The following EDARADD variants were observed in gnomAD, a reference collection of about 807,000 sequenced individuals.
The protein encoded by EDARADD is EDAR associated via death domain.
EDARADD carries 20 observed loss-of-function variants against 25.6 expected under a neutral mutation model. That is an observed-to-expected ratio of 0.78 (90% CI 0.55 to 1.14). The LOEUF is 1.14. Ranked by LOEUF, EDARADD falls within the 50% of genes most tolerant of loss-of-function variation. EDARADD has a pLI of 0.00. For synonymous variants in EDARADD, 86 were observed against 94.4 expected (o/e 0.91, Z 0.52); for missense variants, 225 against 270.1 (o/e 0.83, Z 1.17).
At chr1:236,428,737 G>C (rs1194194059) in intron 4 of EDARADD, among the ~76,000 whole-genome samples, 1 of 148,106 alleles carries the variant, frequency 6.8e-6, no homozygotes, top group African/African-American at 2.5e-5. Context: ...ACGGGGTGGC[G>C]GCCGGGCAGA....
At chr1:236,474,813 T>C (rs1659458721) in intron 5 of EDARADD, among the ~76,000 whole-genome samples, 1 of 152,238 alleles carries the variant, frequency 6.6e-6, no homozygotes, top group Non-Finnish European at 1.5e-5. Context: ...GTGGTTGGCC[T>C]GTTATTTGAG....
intron 5 of EDARADD, among the ~76,000 whole-genome samples, chr1:236,472,419 G>C (rs183290262): frequency 6.6e-6 from 1 of 152,158 alleles, no homozygotes; most frequent in Non-Finnish European, 1.5e-5. Context: ...CGGGATCTCC[G>C]AGGGTGGGAC....
intron 5 of EDARADD, among the ~76,000 whole-genome samples, chr1:236,480,551 G>A (rs1021626322): frequency 7.2e-5 from 11 of 151,896 alleles, no homozygotes; most frequent in Non-Finnish European, 1.3e-4. Flanking sequence ...TTACTCCGTC[G>A]GTCCAAATTC....
At position 236,420,848 on chromosome 1, in the gene EDARADD, C is replaced by G. The variant is rs542969957; in HGVS notation, c.161-6544C>G. The stretch of plus-strand genomic sequence containing the variant: ...TCCTGAGTTCAAGCAATTCTCCTGC[C>G]TCAGCCTCCTGAGTAGCTGAGATTA... On this transcript the variant is annotated intron_variant, in intron 3 of 5. Coordinates refer to ENST00000334232, the MANE Select transcript of EDARADD (RefSeq NM_145861.4). 1.5e-5 allele frequency among the ~76,000 whole-genome samples: 2 copies of G among 136,954 alleles called. 1 individual carries two copies. The highest frequency in any genetic ancestry group is 5.0e-4 in the South Asian group (2 of 4,030). The allele number at this position is 136,954 out of a possible 152,430, so 89.8% of individuals were successfully genotyped here. A position where few individuals can be genotyped will look rare whatever the true frequency, so the allele number is the denominator to read the frequency against.
At chr1:236,444,046 A>G (rs1032645756) in intron 4 of EDARADD, among the ~76,000 whole-genome samples, 1 of 152,226 alleles carries the variant, frequency 6.6e-6, no homozygotes, top group African/African-American at 2.4e-5. Flanking sequence ...AAGACCCTCC[A>G]TCAGCAGAAA....
At chr1:236,399,478 C>T (rs1039104763) in intron 1 of EDARADD, among the ~76,000 whole-genome samples, 3 of 152,212 alleles carry the variant, frequency 2.0e-5, no homozygotes, top group Non-Finnish European at 2.9e-5. Flanking sequence ...TGAGCCACCA[C>T]GCCCTGGCCA....
At chr1:236,419,360 A>G (rs1217562593) in intron 3 of EDARADD, among the ~76,000 whole-genome samples, 4 of 152,198 alleles carry the variant, frequency 2.6e-5, no homozygotes, top group African/African-American at 9.6e-5. Context: ...TAATTGCACC[A>G]CTGCACTACA....
At position 236,395,434 on chromosome 1, in the gene EDARADD, T is replaced by G. The variant is rs1344704244; in HGVS notation, c.61+929T>G. On this transcript the variant is annotated intron_variant, in intron 1 of 5. Transcript: ENST00000334232. The surrounding 1 kb of genome is among the most constrained non-coding windows in gnomAD (Gnocchi z 6.9). ...CTTTGCTAATTGCCAAAGCAGGAAG[T>G]GAGCTCGTGGAAGAAGCGAAGGAGG... 1.4e-6 allele frequency: 2 copies of G among 1,462,402 alleles called. No homozygotes were observed. Among genetic ancestry groups the G allele is most frequent in the African/African-American group, 2.9e-5 (2 of 69,924 alleles). The allele number at this position is 1,462,402 out of a possible 1,614,324, so 90.6% of individuals were successfully genotyped here.
At chr1:236,472,589 C>T (rs960516783) in intron 5 of EDARADD, among the ~76,000 whole-genome samples, 4 of 152,140 alleles carry the variant, frequency 2.6e-5, no homozygotes, top group African/African-American at 7.2e-5. Flanking sequence ...AGTGCAGTGG[C>T]GCAATCTCAG....
Position 236,483,061 on chromosome 1 carries a change from C to A in EDARADD, c.*412C>A. 1.3e-6 allele frequency: 1 copy of A among 770,072 alleles called. No individual in the cohort carries two copies. Among genetic ancestry groups the A allele is most frequent in the Non-Finnish European group, 2.2e-6 (1 of 464,760 alleles). 47.7% of individuals were successfully genotyped at this position (770,072 alleles called of 1,614,324 possible). On this transcript the variant is annotated 3_prime_UTR_variant, in exon 6 of 6. Coordinates refer to ENST00000334232, the MANE Select transcript of EDARADD (RefSeq NM_145861.4). ...AACATCTCTCCTGATCAGTGCCATTCCCACGGTTTCAAAGAAAACAGCTAC... is the reference window on the plus strand; with the variant it reads ...AACATCTCTCCTGATCAGTGCCATTACCACGGTTTCAAAGAAAACAGCTAC...
intron 3 of EDARADD, among the ~76,000 whole-genome samples, chr1:236,419,558 G>T (rs922851402): frequency 6.6e-6 from 1 of 152,214 alleles, no homozygotes; most frequent in Non-Finnish European, 1.5e-5. Context: ...ACTTCAGTGT[G>T]CATCAGAATG....
chr1:236,401,619 G>A (rs1667613001), intron 1 of EDARADD, among the ~76,000 whole-genome samples: 1 of 152,152 alleles, frequency 6.6e-6, no homozygotes, highest in African/African-American at 2.4e-5. Flanking sequence ...AAGAGTAGAT[G>A]AGATTTAGGA....
chr1:236,428,229 C>T (rs1168807281), intron 4 of EDARADD, among the ~76,000 whole-genome samples: 1 of 152,070 alleles, frequency 6.6e-6, no homozygotes. Context: ...CTTGCACCGC[C>T]CTTAATCCAA....
At chr1:236,365,297 G>T (rs942412624) in intron 3 of EDARADD, among the ~76,000 whole-genome samples, 1 of 151,932 alleles carries the variant, frequency 6.6e-6, no homozygotes, top group African/African-American at 2.4e-5. Context: ...CCAAGTAGCT[G>T]GGACCACAGG....
In EDARADD at chr1:236,362,329, C is replaced by T. The variant is rs12075775; in HGVS notation, c.-6+11490C>T. ...TGTTGAGCGTCTATTTGTGTGCCTC[C>T]TTGCCACCCATATATCTTTCTGGTG... On this transcript the variant is annotated intron_variant, in intron 3 of 7. Transcript: ENST00000439430. Among the ~76,000 whole-genome samples the T allele has an allele frequency of 6.3e-3, 954 of 152,306 alleles. 11 individuals are homozygous for T. The highest frequency in any genetic ancestry group is 0.022 in the African/African-American group (896 of 41,570).
At chr1:236,381,283 A>G (rs1667292730) in intron 3 of EDARADD, among the ~76,000 whole-genome samples, 1 of 152,108 alleles carries the variant, frequency 6.6e-6, no homozygotes, top group Non-Finnish European at 1.5e-5. Flanking sequence ...GTAGTATTCC[A>G]TTCTAAAGAT....
At chr1:236,352,619 G>T (rs1013247624) in intron 3 of EDARADD, among the ~76,000 whole-genome samples, 1 of 152,072 alleles carries the variant, frequency 6.6e-6, no homozygotes, top group Non-Finnish European at 1.5e-5. Flanking sequence ...AGGCCAAGGC[G>T]GGTGGATCAC....
intron 4 of EDARADD, among the ~76,000 whole-genome samples, chr1:236,441,147 TCTTATA>T (rs1390400171): frequency 1.3e-5 from 2 of 151,680 alleles, no homozygotes; most frequent in African/African-American, 2.4e-5. Context: ...ATTATTCTTA[TCTTATA>T]CTTATCTTAT....
intron 3 of EDARADD, among the ~76,000 whole-genome samples, chr1:236,426,996 C>T (rs912924487): frequency 1.3e-5 from 2 of 152,128 alleles, no homozygotes; most frequent in African/African-American, 4.8e-5. Context: ...ATTCTCCTGC[C>T]TCAGCCTCCA....
Sources: gnomAD v4.1 joint callset for allele counts (sites outside exome capture counted in the v4.1 genomes callset) on GRCh38, gnomAD v4.1.1 for gene constraint, Gnocchi (gnomAD v3.1) non-coding constraint, MANE v1.5 for transcripts, NCBI Gene and HGNC (gene_info 2026-07-23, HGNC 2026-07-21) for gene names.